ACTN1: variants seen among roughly 807,000 people sequenced by gnomAD.
ACTN1 encodes the protein actinin alpha 1, also known as alpha-actinin-1.
Under a neutral mutation model 119.6 loss-of-function variants are expected in ACTN1, and 30 were observed. The observed-to-expected ratio is 0.25, with a 90% CI of 0.19 to 0.34. ACTN1 has a LOEUF of 0.34. ACTN1 is among the 10% of genes least tolerant of loss of function. The pLI, the probability that ACTN1 is intolerant of heterozygous loss-of-function variation, is 1.00. For missense variants in ACTN1, 764 were observed against 1,223.4 expected (o/e 0.62, Z 5.60); for synonymous variants, 429 against 472.6 (o/e 0.91, Z 1.20).
intron 1 of ACTN1, among the ~76,000 whole-genome samples, chr14:68,975,826 G>A (rs920876237): frequency 1.3e-5 from 2 of 152,166 alleles, no homozygotes; most frequent in East Asian, 1.9e-4. Context: ...TTGAAAGAGG[G>A]ACAAGCCTCG....
intron 8 of ACTN1, among the ~76,000 whole-genome samples, chr14:68,898,321 C>T (rs2033023781): frequency 6.6e-6 from 1 of 152,194 alleles, no homozygotes; most frequent in African/African-American, 2.4e-5. Context: ...AGAATTAGAA[C>T]CAAAACCCAC....
intron 1 of ACTN1, among the ~76,000 whole-genome samples, chr14:68,938,737 G>A (rs951585683): frequency 6.6e-6 from 1 of 152,092 alleles, no homozygotes; most frequent in Non-Finnish European, 1.5e-5. Flanking sequence ...AAGATACCCT[G>A]GACACATCAG....
intron 1 of ACTN1, among the ~76,000 whole-genome samples, chr14:68,928,682 T>C (rs1566647326): frequency 6.6e-6 from 1 of 152,066 alleles, no homozygotes; most frequent in Non-Finnish European, 1.5e-5. Context: ...AAACTTGCCA[T>C]TTAGTAAGTG....
intron 1 of ACTN1, among the ~76,000 whole-genome samples, chr14:68,953,501 G>A (rs1035494860): frequency 3.9e-5 from 6 of 152,162 alleles, no homozygotes; most frequent in Admixed American, 2.6e-4. Flanking sequence ...TGCGTACTCC[G>A]CAGAGCCTGG....
rs1229608128 is a variant in ACTN1 at position 68,879,989 on chromosome 14, G to C, written c.2253C>G (p.Phe751Leu). 3 of 1,614,202 alleles carry C rather than the reference G, an allele frequency of 1.9e-6. No homozygotes were observed. The highest frequency in any genetic ancestry group is 1.1e-5 in the South Asian group (1 of 91,086). Residue 751 changes from phenylalanine to leucine, a missense_variant, in exon 18 of 22, where the codon TTC (phenylalanine) becomes TTG (leucine). Phe to Leu is a conservative substitution (Grantham distance 22). Around this residue, in one of 4 missense-constraint regions of ACTN1, gnomAD observed 544 missense variants for 912.0 expected, o/e 0.60. Transcript: ENST00000394419. The surrounding 1 kb of genome is among the most constrained non-coding windows in gnomAD (Gnocchi z 4.9). ...KGISQEQMNE[F>L]RASFNHFDRD... ...GGTCAAAGTGGTTGAAGGAGGCCCG[G>C]AACTCATTCATCTGCTCCTGGCTGA...
intron 11 of ACTN1, among the ~76,000 whole-genome samples, chr14:68,889,861 A>C (rs2032334441): frequency 6.6e-6 from 1 of 152,250 alleles, no homozygotes; most frequent in South Asian, 2.1e-4. Flanking sequence ...GAACACTCAC[A>C]CAGCACTGCA....
chr14:68,932,453 T>C (rs904464879), intron 1 of ACTN1, among the ~76,000 whole-genome samples: 36 of 151,702 alleles, frequency 2.4e-4, no homozygotes, highest in Non-Finnish European at 1.3e-4. Context: ...AACTCCCCTT[T>C]ATATATACAT....
In ACTN1 at chr14:68,925,318, C is replaced by CT. The variant is rs36108835; in HGVS notation, c.220+239dup. Among the ~76,000 whole-genome samples, 3,121 of 121,210 alleles carry CT rather than the reference C, an allele frequency of 0.026. 47 individuals are homozygous for CT. Among genetic ancestry groups the CT allele is most frequent in the South Asian group, 0.034 (101 of 2,944 alleles). 79.5% of individuals were successfully genotyped at this position (121,210 alleles called of 152,430 possible). On this transcript the variant is annotated intron_variant, in intron 2 of 21. Coordinates refer to ENST00000394419, the MANE Select transcript of ACTN1 (RefSeq NM_001130004.2). This position sits in a 1 kb window ranked among gnomAD's most constrained non-coding sequence, Gnocchi z 4.3. ...GAAGGAACCTCAGTTCCTTCAAACC[C>CT]TTTTTTTTTTTTTTTTTTTTTTTAA...
intron 1 of ACTN1, among the ~76,000 whole-genome samples, chr14:68,941,453 G>C (rs1594851190): frequency 6.6e-6 from 1 of 152,164 alleles, no homozygotes. Flanking sequence ...AGGCTTAGTG[G>C]CTAAGAACGG....
intron 9 of ACTN1, 87 bp downstream of exon 9, chr14:68,893,568 C>G (rs2032658569): frequency 7.7e-7 from 1 of 1,297,342 alleles, no homozygotes; most frequent in Admixed American, 1.8e-5. Flanking sequence ...AAGCCTGAGA[C>G]TATGCTCCAA....
Position 68,929,034 on chromosome 14 carries a change from G to A in ACTN1, c.106-3362C>T, listed in dbSNP as rs1164178279. Reference sequence around the variant, plus strand: ...CGTGGGAGAGGGCTGGAACTGTGGCGGGTTCGTGGGAGAGGGCTGGAACTG... The same window carrying A: ...CGTGGGAGAGGGCTGGAACTGTGGCAGGTTCGTGGGAGAGGGCTGGAACTG... On this transcript the variant is annotated intron_variant, in intron 1 of 21. Transcript: ENST00000394419. Among the ~76,000 whole-genome samples, 4 of 151,318 alleles carry A rather than the reference G, an allele frequency of 2.6e-5. 1 individual carries two copies. Among genetic ancestry groups the A allele is most frequent in the African/African-American group, 9.8e-5 (4 of 41,016 alleles).
Position 68,888,044 on chromosome 14 carries a change from T to G in ACTN1, c.1234+2095A>C, listed in dbSNP as rs1487243748. The stretch of plus-strand genomic sequence containing the variant: ...CGCCGATCTCCTCTTGGGCTTTTCC[T>G]TGGCGGCTCCTTCAGCAGAGCTGAC... On this transcript the variant is annotated intron_variant, in intron 11 of 21. Coordinates refer to ENST00000394419, the MANE Select transcript of ACTN1 (RefSeq NM_001130004.2). 4 of 728,928 alleles carry G rather than the reference T, an allele frequency of 5.5e-6. No homozygotes were observed. In the African/African-American group the frequency reaches 7.0e-5, roughly 13 times the overall value. 45.2% of individuals were successfully genotyped at this position (728,928 alleles called of 1,614,324 possible). A position where few individuals can be genotyped will look rare whatever the true frequency, so the allele number is the denominator to read the frequency against.
intron 1 of ACTN1, among the ~76,000 whole-genome samples, chr14:68,930,902 G>A (rs2035194128): frequency 6.6e-6 from 1 of 152,204 alleles, no homozygotes; most frequent in South Asian, 2.1e-4. Context: ...CCTCATAAAA[G>A]AATGTTAGAG....
intron 1 of ACTN1, among the ~76,000 whole-genome samples, chr14:68,946,169 A>ACAGCCCAC (rs368765986): frequency 6.6e-6 from 1 of 152,042 alleles, no homozygotes; most frequent in Admixed American, 6.5e-5. Flanking sequence ...CCCTCCGCTC[A>ACAGCCCAC]CAGCCCACCA....
At position 68,879,803 on chromosome 14, in the gene ACTN1, G is replaced by T; in HGVS notation, c.2280+159C>A. 1 of 1,003,290 alleles carries T rather than the reference G, an allele frequency of 1.0e-6. No individual in the cohort carries two copies. Among genetic ancestry groups the T allele is most frequent in the South Asian group, 1.7e-5 (1 of 58,190 alleles). The allele number at this position is 1,003,290 out of a possible 1,614,324, so 62.1% of individuals were successfully genotyped here. A position where few individuals can be genotyped will look rare whatever the true frequency, so the allele number is the denominator to read the frequency against. ...GCACCAACACAGGTTTTCCAAGGCT[G>T]GTTTTGCAGGGTGCATTGAGTCAGG... On this transcript the variant is annotated intron_variant, in intron 18 of 21. Transcript: ENST00000394419. The surrounding 1 kb of genome is among the most constrained non-coding windows in gnomAD (Gnocchi z 4.9).
At chr14:68,936,015 C>T (rs1309381203) in intron 1 of ACTN1, among the ~76,000 whole-genome samples, 1 of 147,928 alleles carries the variant, frequency 6.8e-6, no homozygotes, top group Non-Finnish European at 1.5e-5. Context: ...CTCAGCCAGG[C>T]GTGTGACCTC....
In ACTN1 at chr14:68,878,441, G is replaced by A. The variant is rs767090725; in HGVS notation, c.2427+17C>T. On this transcript the variant is annotated intron_variant, in intron 20 of 21. Transcript: ENST00000394419. The surrounding 1 kb of genome is among the most constrained non-coding windows in gnomAD (Gnocchi z 4.4). The stretch of plus-strand genomic sequence containing the variant: ...TGCCTTCTCACCAGGGCAGACAGAG[G>A]GTGGGGTTTACGTTACCATGTTGTA... The A allele has an allele frequency of 6.5e-7, 1 of 1,538,866 alleles. No homozygotes were observed. Among genetic ancestry groups the A allele is most frequent in the East Asian group, 2.3e-5 (1 of 44,246 alleles).
chr14:68,875,764 G>A (rs1566583858), intron 21 of ACTN1, among the ~76,000 whole-genome samples: 2 of 152,218 alleles, frequency 1.3e-5, no homozygotes. Flanking sequence ...GCCAAAAGTT[G>A]GGAGACCAGG....
In ACTN1 at chr14:68,925,720, C is replaced by T; in HGVS notation, c.106-48G>A. On this transcript the variant is annotated intron_variant, in intron 1 of 21. Transcript: ENST00000394419. The surrounding 1 kb of genome is among the most constrained non-coding windows in gnomAD (Gnocchi z 4.3). ...AGTGGTCAGGGGGCTGGTGTTGTCA[C>T]CCTCATTGGACAAGCCATTTAATGG... 2.0e-6 allele frequency: 3 copies of T among 1,503,486 alleles called. No homozygotes were observed. Among genetic ancestry groups the T allele is most frequent in the Non-Finnish European group, 2.8e-6 (3 of 1,089,294 alleles). The allele number at this position is 1,503,486 out of a possible 1,614,324, so 93.1% of individuals were successfully genotyped here. A position where few individuals can be genotyped will look rare whatever the true frequency, so the allele number is the denominator to read the frequency against.
Sources: gnomAD v4.1 joint callset for allele counts (sites outside exome capture counted in the v4.1 genomes callset) on GRCh38, gnomAD v4.1.1 for gene constraint, gnomAD v4.1.1 regional missense constraint, Gnocchi (gnomAD v3.1) non-coding constraint, MANE v1.5 for transcripts, NCBI Gene and HGNC (gene_info 2026-07-23, HGNC 2026-07-21) for gene names.